Variants in GDPD5 observed in about 807,000 individuals in gnomAD.
GDPD5 encodes the protein glycerophosphodiester phosphodiesterase domain containing 5, also known as glycerophosphodiester phosphodiesterase 2.
In GDPD5, 48 loss-of-function variants were observed where a neutral mutation model predicts 75.1. The ratio of observed to expected loss-of-function variants is 0.64; its 90% CI spans 0.51 to 0.81. The LOEUF (loss-of-function observed/expected upper bound fraction) is 0.81, where lower values mean the gene tolerates loss of function less well. GDPD5 is among the 40% of genes least tolerant of loss of function. GDPD5 has a pLI of 0.00. For missense variants in GDPD5, 706 were observed against 822.6 expected (o/e 0.86, Z 1.73); for synonymous variants, 336 against 339.0 (o/e 0.99, Z 0.10).
intron 3 of GDPD5, among the ~76,000 whole-genome samples, chr11:75,466,447 G>A (rs1949517956): frequency 6.6e-6 from 1 of 152,150 alleles, no homozygotes; most frequent in African/African-American, 2.4e-5. Context: ...AGCACTAATG[G>A]TCCTTGTCAG....
chr11:75,478,008 C>A (rs1209357037), intron 2 of GDPD5, among the ~76,000 whole-genome samples: 2 of 152,196 alleles, frequency 1.3e-5, no homozygotes, highest in Non-Finnish European at 2.9e-5. Flanking sequence ...CCTACTCCTT[C>A]CCCTCCAGCC....
intron 6 of GDPD5, chr11:75,450,667 T>C (rs1399224032): frequency 2.0e-5 from 3 of 152,456 alleles, no homozygotes; most frequent in Non-Finnish European, 2.9e-5. Flanking sequence ...AGGTGGCACC[T>C]CTACGGGACA....
Position 75,444,395 on chromosome 11 carries a change from C to T in GDPD5, c.797+18G>A. On this transcript the variant is annotated intron_variant, in intron 10 of 16. Transcript: ENST00000336898. The stretch of plus-strand genomic sequence containing the variant: ...TGTGGGAGGGGTAGAGGAACTATCT[C>T]CCCTCCGCTACACCTACCTGATGGT... 6.3e-7 allele frequency: 1 copy of T among 1,590,998 alleles called. No individual in the cohort carries two copies. Among genetic ancestry groups the T allele is most frequent in the Non-Finnish European group, 8.6e-7 (1 of 1,159,380 alleles).
At chr11:75,513,005 T>C (rs1350626529) in intron 1 of GDPD5, among the ~76,000 whole-genome samples, 1 of 152,204 alleles carries the variant, frequency 6.6e-6, no homozygotes, top group Non-Finnish European at 1.5e-5. Flanking sequence ...CAGGACATAC[T>C]GTGTACCAGG....
Position 75,435,192 on chromosome 11 carries a change from C to G in GDPD5, c.*315G>C. On this transcript the variant is annotated 3_prime_UTR_variant, in exon 17 of 17. Transcript: ENST00000336898. ...TTGCCACAGGGGGTATGGCATGGCC[C>G]ATGACCCATCAAAGCTTCCAGGTCG... The G allele has an allele frequency of 3.7e-6, 1 of 272,392 alleles. No individual in the cohort carries two copies. The highest frequency in any genetic ancestry group is 2.2e-5 in the African/African-American group (1 of 46,500). 16.9% of individuals were successfully genotyped at this position (272,392 alleles called of 1,614,324 possible). A position where few individuals can be genotyped will look rare whatever the true frequency, so the allele number is the denominator to read the frequency against.
intron 4 of GDPD5, among the ~76,000 whole-genome samples, chr11:75,461,012 T>C (rs1949399270): frequency 6.6e-6 from 1 of 152,066 alleles, no homozygotes; most frequent in African/African-American, 2.4e-5. Flanking sequence ...CGGTCCCAGA[T>C]CTGTCTGCTT....
intron 1 of GDPD5, among the ~76,000 whole-genome samples, chr11:75,505,123 G>GA (rs200953760): frequency 0.078 from 11,159 of 142,620 alleles, 485 homozygotes; most frequent in East Asian, 0.14. Flanking sequence ...CTCCATCTCA[G>GA]AAAAAAAAAA....
In GDPD5 at chr11:75,442,379, C is replaced by A; in HGVS notation, c.1151G>T (p.Gly384Val). Reference sequence around the variant, plus strand: ...GGGCCTCACCTGGTGCTGGGGGAAGCCGGAGTGCAGCACGGCCTCCAGAGT... The same window carrying A: ...GGGCCTCACCTGGTGCTGGGGGAAGACGGAGTGCAGCACGGCCTCCAGAGT... ...NVTLEAVLHS[G>V]FPQHQVMWLP... The change falls in exon 12 of 17, where the codon GGC becomes GTC. Residue 384 changes from glycine to valine, a missense_variant. Physicochemically the swap from Gly to Val is moderately radical, Grantham distance 109. Transcript: ENST00000336898. The A allele has an allele frequency of 6.4e-7, 1 of 1,563,054 alleles. No individual in the cohort carries two copies.
chr11:75,475,273 T>C (rs1949754065), intron 3 of GDPD5, among the ~76,000 whole-genome samples: 1 of 152,242 alleles, frequency 6.6e-6, no homozygotes, highest in East Asian at 1.9e-4. Context: ...AGTTGGGAGA[T>C]ACAGGGGGAG....
intron 4 of GDPD5, among the ~76,000 whole-genome samples, chr11:75,460,527 C>G (rs969600322): frequency 2.6e-5 from 4 of 152,092 alleles, no homozygotes; most frequent in African/African-American, 9.7e-5. Flanking sequence ...GCACTGCAAC[C>G]TCCACCTCCC....
chr11:75,492,049 G>A (rs1348214275), intron 1 of GDPD5, among the ~76,000 whole-genome samples: 1 of 152,198 alleles, frequency 6.6e-6, no homozygotes, highest in East Asian at 1.9e-4. Context: ...TGCCTGTCAG[G>A]AAGGAAAGTA....
chr11:75,518,993 G>T (rs907154492), intron 1 of GDPD5, among the ~76,000 whole-genome samples: 4 of 152,138 alleles, frequency 2.6e-5, no homozygotes, highest in Admixed American at 2.6e-4. Flanking sequence ...CTCAAAGCAG[G>T]CCTGTTTATC....
chr11:75,519,470 C>T (rs920546163), intron 1 of GDPD5, among the ~76,000 whole-genome samples: 12 of 152,194 alleles, frequency 7.9e-5, no homozygotes, highest in Non-Finnish European at 1.3e-4. Flanking sequence ...TCATTCCAAA[C>T]GCCTTTCCTG....
intron 2 of GDPD5, among the ~76,000 whole-genome samples, chr11:75,480,309 CA>C (rs1949880778): frequency 1.3e-5 from 2 of 148,862 alleles, no homozygotes; most frequent in South Asian, 4.2e-4. Flanking sequence ...GCCAGGGTGA[CA>C]GGGCAAATCT....
chr11:75,451,123 T>A (rs1592076933), intron 6 of GDPD5: 1 of 152,110 alleles, frequency 6.6e-6, no homozygotes, highest in African/African-American at 2.4e-5. Flanking sequence ...GGTGGGGCGG[T>A]GGCCAGCATC....
At chr11:75,481,945 A>G (rs1468083581) in intron 2 of GDPD5, among the ~76,000 whole-genome samples, 1 of 152,028 alleles carries the variant, frequency 6.6e-6, no homozygotes, top group Non-Finnish European at 1.5e-5. Context: ...TATAGGACAC[A>G]CAATTGGGGG....
intron 9 of GDPD5, among the ~76,000 whole-genome samples, chr11:75,447,537 A>ACG (rs760771727): frequency 6.6e-6 from 1 of 152,216 alleles, no homozygotes; most frequent in Non-Finnish European, 1.5e-5. Context: ...GTAGATAAGT[A>ACG]TGGGATTGGA....
In GDPD5 at chr11:75,435,379, G is replaced by C; in HGVS notation, c.*128C>G. ...CTCAAGAGAGGCTGCGGCTGACAAG[G>C]GGCTGGAGCCCACAAGGAGGCTGTG... On this transcript the variant is annotated 3_prime_UTR_variant, in exon 17 of 17. Transcript: ENST00000336898. 1 of 854,656 alleles carries C rather than the reference G, an allele frequency of 1.2e-6. No homozygotes were observed. Among genetic ancestry groups the C allele is most frequent in the Admixed American group, 2.6e-5 (1 of 39,088 alleles). 52.9% of individuals were successfully genotyped at this position (854,656 alleles called of 1,614,324 possible). A position where few individuals can be genotyped will look rare whatever the true frequency, so the allele number is the denominator to read the frequency against.
chr11:75,523,948 C>T (rs1229666845), intron 1 of GDPD5, among the ~76,000 whole-genome samples: 1 of 152,230 alleles, frequency 6.6e-6, no homozygotes, highest in African/African-American at 2.4e-5. Flanking sequence ...GTTAACTAGG[C>T]CTAGCCAAGG....
Sources: allele counts gnomAD v4.1 joint callset (sites outside exome capture counted in the v4.1 genomes callset), GRCh38; gene constraint gnomAD v4.1.1; transcripts MANE v1.5; gene names NCBI Gene and HGNC (gene_info 2026-07-23, HGNC 2026-07-21).